CADM1: variants seen among roughly 807,000 people sequenced by gnomAD.
CADM1 encodes cell adhesion molecule 1.
CADM1 carries 15 observed loss-of-function variants against 53.1 expected under a neutral mutation model. The ratio of observed to expected loss-of-function variants is 0.28; its 90% CI spans 0.19 to 0.44. The LOEUF is 0.44. CADM1 is among the 20% of genes least tolerant of loss of function. The probability of loss-of-function intolerance (pLI) is 1.00; values close to 1 mark genes in which losing one functional copy is unlikely to be tolerated. For missense variants in CADM1, 434 were observed against 611.3 expected (o/e 0.71, Z 3.06); for synonymous variants, 281 against 243.0 (o/e 1.16, Z -1.45).
chr11:115,202,540 G>A (rs1048000204), intron 8 of CADM1, among the ~76,000 whole-genome samples: 3 of 151,846 alleles, frequency 2.0e-5, no homozygotes, highest in East Asian at 1.9e-4. Flanking sequence ...AAAAATGCAC[G>A]GTGTGATAAC....
chr11:115,336,219 C>G (rs1945263472), intron 1 of CADM1, among the ~76,000 whole-genome samples: 1 of 152,040 alleles, frequency 6.6e-6, no homozygotes. Flanking sequence ...GCCACTAACT[C>G]GATTCAGGCT....
rs566150400 is a variant in CADM1 at position 115,402,359 on chromosome 11, C to T, written c.124+101912G>A. On this transcript the variant is annotated intron_variant, in intron 1 of 11. Transcript: ENST00000331581. ...CCAATATGGTGAAACCCTGTCTCTA[C>T]TACAAATACAAAAATTAGCTGGGTG... 6.1e-3 allele frequency among the ~76,000 whole-genome samples: 927 copies of T among 152,172 alleles called. 9 individuals carry two copies. Among genetic ancestry groups the T allele is most frequent in the African/African-American group, 0.021 (885 of 41,526 alleles).
At chr11:115,204,786 C>A (rs1940600694) in intron 8 of CADM1, among the ~76,000 whole-genome samples, 1 of 152,134 alleles carries the variant, frequency 6.6e-6, no homozygotes, top group African/African-American at 2.4e-5. Flanking sequence ...TTATGTGATC[C>A]AATCCACATT....
chr11:115,477,968 G>A (rs566842690), intron 1 of CADM1, among the ~76,000 whole-genome samples: 1 of 152,340 alleles, frequency 6.6e-6, no homozygotes, highest in South Asian at 2.1e-4. Flanking sequence ...TTTTGGATAA[G>A]AGGTTCAATT....
intron 1 of CADM1, among the ~76,000 whole-genome samples, chr11:115,383,635 G>A (rs775486812): frequency 1.3e-5 from 2 of 152,196 alleles, no homozygotes; most frequent in African/African-American, 2.4e-5. Context: ...ACAGACAGAC[G>A]TGGCAGACTT....
intron 1 of CADM1, among the ~76,000 whole-genome samples, chr11:115,300,281 A>G (rs544891878): frequency 6.6e-6 from 1 of 152,178 alleles, no homozygotes; most frequent in East Asian, 1.9e-4. Flanking sequence ...TACCCTCTTA[A>G]TCATGAATGG....
chr11:115,177,073 T>C (rs1000496362), intron 11 of CADM1, among the ~76,000 whole-genome samples: 2 of 152,234 alleles, frequency 1.3e-5, no homozygotes, highest in African/African-American at 2.4e-5. Context: ...CCCGTGTCTA[T>C]ATGAATCATT....
chr11:115,403,127 A>G (rs1448023075), intron 1 of CADM1, among the ~76,000 whole-genome samples: 1 of 152,258 alleles, frequency 6.6e-6, no homozygotes, highest in African/African-American at 2.4e-5. Flanking sequence ...TGGGTATTAT[A>G]GACTTCCTCA....
At chr11:115,372,982 G>A (rs779487613) in intron 1 of CADM1, among the ~76,000 whole-genome samples, 36 of 152,202 alleles carry the variant, frequency 2.4e-4, no homozygotes, top group Non-Finnish European at 3.2e-4. Context: ...TGCCTAAGAG[G>A]AAAGAAAAGG....
intron 1 of CADM1, among the ~76,000 whole-genome samples, chr11:115,409,888 G>A (rs575045009): frequency 1.3e-5 from 2 of 152,330 alleles, no homozygotes; most frequent in East Asian, 3.9e-4. Context: ...AGAGGGCAGA[G>A]TGCACCAGAC....
chr11:115,447,039 G>T (rs145793332), intron 1 of CADM1, among the ~76,000 whole-genome samples: 1 of 152,128 alleles, frequency 6.6e-6, no homozygotes, highest in Non-Finnish European at 1.5e-5. Flanking sequence ...ATTCCTTTAA[G>T]TTTCAGAATC....
At chr11:115,355,017 A>C (rs1945828404) in intron 1 of CADM1, among the ~76,000 whole-genome samples, 1 of 152,164 alleles carries the variant, frequency 6.6e-6, no homozygotes, top group African/African-American at 2.4e-5. Flanking sequence ...ACTCCTCTAC[A>C]TCTTGTAGAA....
Position 115,213,648 on chromosome 11 carries a change from A to G in CADM1, c.994+960T>C, listed in dbSNP as rs1393331000. ...ACTGTGGTGTGGATATTTCAAAGGT[A>G]TAATTTATGTGTATCTAAACATTTA... On this transcript the variant is annotated intron_variant, in intron 7 of 11. Coordinates refer to ENST00000331581, the MANE Select transcript of CADM1 (RefSeq NM_001301043.2). Among the ~76,000 whole-genome samples the G allele has an allele frequency of 2.0e-5, 3 of 152,366 alleles. No individual in the cohort carries two copies. The East Asian group carries it at 5.8e-4, about 29-fold the overall frequency.
chr11:115,315,037 T>C (rs982435096), intron 1 of CADM1, among the ~76,000 whole-genome samples: 18 of 152,264 alleles, frequency 1.2e-4, no homozygotes, highest in African/African-American at 4.3e-4. Flanking sequence ...TTAATCTAGG[T>C]ACAGCTCTCA....
chr11:115,404,345 AAATATATATATATATAT>A (rs1947251186), intron 1 of CADM1, among the ~76,000 whole-genome samples: 1 of 40,802 alleles, frequency 2.5e-5, no homozygotes, highest in Admixed American at 2.4e-4. Context: ...AAAAAAAAAA[AAATATATATATATATAT>A]ATATATATAT....
intron 1 of CADM1, among the ~76,000 whole-genome samples, chr11:115,492,291 T>C (rs192518771): frequency 6.6e-6 from 1 of 151,946 alleles, no homozygotes; most frequent in East Asian, 1.9e-4. Context: ...AAAGGAAAAA[T>C]TGAAAGGATA....
intron 1 of CADM1, among the ~76,000 whole-genome samples, chr11:115,469,635 CTT>C (rs976667997): frequency 4.3e-5 from 6 of 141,036 alleles, no homozygotes; most frequent in Non-Finnish European, 7.6e-5. Context: ...GGAAGTGAAA[CTT>C]TTACATAACC....
At position 115,175,347 on chromosome 11, in the gene CADM1, C is replaced by G; in HGVS notation, c.*1127G>C. On this transcript the variant is annotated 3_prime_UTR_variant, in exon 12 of 12. Coordinates refer to ENST00000331581, the MANE Select transcript of CADM1 (RefSeq NM_001301043.2). Reference sequence around the variant, plus strand: ...AATATACAGTACATGCAGGCCACATCCTACTGCCTTCCTAACTAAGCACAA... The same window carrying G: ...AATATACAGTACATGCAGGCCACATGCTACTGCCTTCCTAACTAAGCACAA... 1 of 981,970 alleles carries G rather than the reference C, an allele frequency of 1.0e-6. No individual in the cohort carries two copies. Among genetic ancestry groups the G allele is most frequent in the Non-Finnish European group, 1.2e-6 (1 of 828,616 alleles). The allele number at this position is 981,970 out of a possible 1,614,324, so 60.8% of individuals were successfully genotyped here.
At chr11:115,205,103 T>C (rs1439699932) in intron 8 of CADM1, among the ~76,000 whole-genome samples, 1 of 152,212 alleles carries the variant, frequency 6.6e-6, no homozygotes, top group East Asian at 1.9e-4. Flanking sequence ...TTTTAATTTA[T>C]GACAGTCACA....
Sources: gnomAD v4.1 joint callset for allele counts (sites outside exome capture counted in the v4.1 genomes callset) on GRCh38, gnomAD v4.1.1 for gene constraint, MANE v1.5 for transcripts, NCBI Gene and HGNC (gene_info 2026-07-23, HGNC 2026-07-21) for gene names.